Variants in FAM193B observed in about 807,000 individuals in gnomAD.
FAM193B encodes the protein family with sequence similarity 193 member B.
FAM193B carries 27 observed loss-of-function variants against 70.7 expected under a neutral mutation model. That is an observed-to-expected ratio of 0.38 (90% CI 0.28 to 0.53). FAM193B has a LOEUF of 0.53. Ranked by LOEUF, FAM193B falls within the 20% of genes least tolerant of loss-of-function variation. FAM193B has a pLI of 0.81. For synonymous variants in FAM193B, 448 were observed against 436.0 expected, an observed-to-expected ratio of 1.03 and a Z score of -0.34; for missense variants, 1,022 against 1,072.5, an observed-to-expected ratio of 0.95 and a Z score of 0.66.
In FAM193B at chr5:177,524,430, C is replaced by T; in HGVS notation, c.2051G>A (p.Gly684Asp). 6.2e-7 allele frequency: 1 copy of T among 1,604,624 alleles called. No homozygotes were observed. The highest frequency in any genetic ancestry group is 8.5e-7 in the Non-Finnish European group (1 of 1,175,678). The change falls in exon 6 of 9, where the codon GGC (glycine) becomes GAC (aspartate). Residue 684 changes from glycine (G) to aspartate (D), a missense_variant. Coordinates refer to ENST00000514747, the MANE Select transcript of FAM193B (RefSeq NM_001190946.3). ...PGRVLELPKV[G>D]SCAEAGEGSR... is the part of the protein sequence containing the mutation. ...CCCCTCTCCAGCCTCAGCACAGCTG[C>T]CTACTTTGGGAAGCTCTAGGACCCT...
intron 1 of FAM193B, chr5:177,553,779 C>T (rs1766636842): frequency 2.0e-5 from 26 of 1,287,426 alleles, no homozygotes; most frequent in Non-Finnish European, 2.5e-5. Flanking sequence ...GACACAGCTG[C>T]TGAGGGGGCC....
At chr5:177,551,270 T>C (rs200481752) in intron 1 of FAM193B, among the ~76,000 whole-genome samples, 1 of 88 alleles carries the variant, frequency 0.011, no homozygotes, top group Non-Finnish European at 0.5. Context: ...TTGTTCTTTA[T>C]TTTTTTTTTT....
chr5:177,531,424 C>T, intron 5 of FAM193B: 3 of 1,361,616 alleles, frequency 2.2e-6, no homozygotes, highest in Non-Finnish European at 2.9e-6. Flanking sequence ...GCCCAGGGTG[C>T]CCCCCTTCAT....
chr5:177,526,810 C>T (rs1762670503), intron 5 of FAM193B, among the ~76,000 whole-genome samples: 1 of 152,338 alleles, frequency 6.6e-6, no homozygotes, highest in African/African-American at 2.4e-5. Context: ...TTCAGAAGTT[C>T]CTATGTTTCT....
chr5:177,535,283 GA>G (rs771872207), intron 4 of FAM193B, among the ~76,000 whole-genome samples: 41 of 152,240 alleles, frequency 2.7e-4, no homozygotes, highest in Non-Finnish European at 7.3e-5. Flanking sequence ...AACACCACAA[GA>G]GAACACAAAT....
At chr5:177,533,204 G>A (rs1763745105) in intron 4 of FAM193B, among the ~76,000 whole-genome samples, 1 of 152,184 alleles carries the variant, frequency 6.6e-6, no homozygotes, top group African/African-American at 2.4e-5. Context: ...GAGTAGATGG[G>A]TGGAGCTGCC....
chr5:177,534,821 T>C (rs1763987508), intron 4 of FAM193B, among the ~76,000 whole-genome samples: 1 of 152,194 alleles, frequency 6.6e-6, no homozygotes, highest in Non-Finnish European at 1.5e-5. Flanking sequence ...TCTCATTATG[T>C]TGCCCTTGCT....
chr5:177,532,143 C>T lies in FAM193B; in HGVS notation c.1275+300G>A. ...AAGCGTTCACTTCTCTGGGATTACA[C>T]ACGTATACATACTCATCAGAATCAT... On this transcript the variant is annotated intron_variant, in intron 5 of 8. Transcript: ENST00000514747. The surrounding 1 kb of genome is among the most constrained non-coding windows in gnomAD (Gnocchi z 4.9). The T allele has an allele frequency of 2.2e-6, 3 of 1,387,994 alleles. No homozygotes were observed. The highest frequency in any genetic ancestry group is 1.4e-5 in the African/African-American group (1 of 69,728). 86.0% of individuals were successfully genotyped at this position (1,387,994 alleles called of 1,614,324 possible).
intron 5 of FAM193B, among the ~76,000 whole-genome samples, chr5:177,528,814 AC>A (rs1168065520): frequency 2.0e-5 from 3 of 152,320 alleles, no homozygotes; most frequent in Non-Finnish European, 2.9e-5. Context: ...GCCTGGCGAC[AC>A]GGGAACTCGG....
chr5:177,554,169 C>CCCA, intron 1 of FAM193B, 80 bp downstream of exon 1: 1 of 1,460,528 alleles, frequency 6.8e-7, no homozygotes, highest in Non-Finnish European at 9.1e-7. Context: ...ATGGCCCATC[C>CCCA]CCAACCCCGC....
rs541150841 is a variant in FAM193B, at chr5:177,524,304, C to T, written c.2177G>A (p.Arg726Gln). 24 of 1,585,274 alleles carry T rather than the reference C, an allele frequency of 1.5e-5. No homozygotes were observed. Among genetic ancestry groups the T allele is most frequent in the African/African-American group, 8.1e-5 (6 of 74,338 alleles). The change falls in exon 6 of 9, where the codon CGG (arginine) becomes CAG (glutamine). Residue 726 changes from arginine (R) to glutamine (Q), a missense_variant. Coordinates refer to ENST00000514747, the MANE Select transcript of FAM193B (RefSeq NM_001190946.3). The stretch of plus-strand genomic sequence containing the variant: ...CTGCACAGACTCCTGCTCCTGAGGC[C>T]GTGCCTTGGCCTCGCCTGGCCAGTT... ...WRNWPGEAKA[R>Q]PQEQESVQPS... is the part of the protein sequence containing the mutation.
At position 177,538,708 on chromosome 5, in the gene FAM193B, G is replaced by A. The variant is rs559951276; in HGVS notation, c.453+197C>T. Among the ~76,000 whole-genome samples the A allele has an allele frequency of 2.6e-5, 4 of 152,314 alleles. No individual in the cohort carries two copies. The highest frequency in any genetic ancestry group is 1.9e-4 in the East Asian group (1 of 5,182). ...CACAGACCACCCTGAGGGACTGACC[G>A]GTGGGCTGCCAGAAGTTTCTCTTCT... On this transcript the variant is annotated intron_variant, in intron 2 of 8. Transcript: ENST00000514747. This position sits in a 1 kb window ranked among gnomAD's most constrained non-coding sequence, Gnocchi z 4.1.
intron 4 of FAM193B, among the ~76,000 whole-genome samples, chr5:177,533,434 A>G: frequency 6.6e-6 from 1 of 151,738 alleles, no homozygotes; most frequent in East Asian, 1.9e-4. Flanking sequence ...CCTCCCGAGT[A>G]GCTGGGACTA....
chr5:177,528,475 G>A (rs553387021), intron 5 of FAM193B, among the ~76,000 whole-genome samples: 13 of 152,298 alleles, frequency 8.5e-5, no homozygotes, highest in Middle Eastern at 3.4e-3. Context: ...AAATGTGGAC[G>A]GGAACAGCAT....
intron 1 of FAM193B, among the ~76,000 whole-genome samples, chr5:177,540,960 T>C (rs1163292772): frequency 7.2e-5 from 11 of 152,136 alleles, no homozygotes; most frequent in Admixed American, 6.5e-4. Flanking sequence ...ACCTCTAATG[T>C]TACCATTACA....
Position 177,520,022 on chromosome 5 carries a change from GCA to G in FAM193B, c.*159_*160del, listed in dbSNP as rs1166336928. The G allele has an allele frequency of 1.3e-5, 2 of 152,418 alleles. No individual in the cohort carries two copies. Among genetic ancestry groups the G allele is most frequent in the African/African-American group, 2.4e-5 (1 of 41,452 alleles). 9.4% of individuals were successfully genotyped at this position (152,418 alleles called of 1,614,324 possible). On this transcript the variant is annotated 3_prime_UTR_variant, in exon 9 of 9. Transcript: ENST00000514747. ...GCTCTGCTGAGGTCAAGGGGCCCCAGCACAGTGTGGCATCCGTTCAGCTTTTG... is the reference window on the plus strand; with the variant it reads ...GCTCTGCTGAGGTCAAGGGGCCCCAGCAGTGTGGCATCCGTTCAGCTTTTG...
intron 1 of FAM193B, among the ~76,000 whole-genome samples, chr5:177,539,863 G>A (rs1249813204): frequency 6.6e-6 from 1 of 152,056 alleles, no homozygotes; most frequent in African/African-American, 2.4e-5. Context: ...AACTTCTCTG[G>A]GCTCCAATTC....
chr5:177,525,974 C>T lies in FAM193B; in HGVS notation c.1276-769G>A, dbSNP rs575742096. The stretch of plus-strand genomic sequence containing the variant: ...GGCCAACGATGCCTTTAGAGGGAGA[C>T]AGGCGGCAGATAAAAAACCCTCGGG... On this transcript the variant is annotated intron_variant, in intron 5 of 8. Transcript: ENST00000514747. 1.2e-4 allele frequency among the ~76,000 whole-genome samples: 18 copies of T among 152,364 alleles called. No individual in the cohort carries two copies. The South Asian group carries it at 1.7e-3, about 14-fold the overall frequency.
intron 1 of FAM193B, chr5:177,547,151 T>C (rs1765529664): frequency 6.6e-6 from 1 of 152,162 alleles, no homozygotes; most frequent in East Asian, 1.9e-4. Flanking sequence ...CAGAAGGAAA[T>C]AAATTATGTA....
Sources: gnomAD v4.1 joint callset for allele counts (sites outside exome capture counted in the v4.1 genomes callset) on GRCh38, gnomAD v4.1.1 for gene constraint, Gnocchi (gnomAD v3.1) non-coding constraint, MANE v1.5 for transcripts, NCBI Gene and HGNC (gene_info 2026-07-23, HGNC 2026-07-21) for gene names.